ZP3: variants seen among roughly 807,000 people sequenced by gnomAD.
The protein encoded by ZP3 is zona pellucida glycoprotein 3.
A neutral mutation model predicts 35.6 loss-of-function variants in ZP3; 21 were observed. The ratio of observed to expected loss-of-function variants is 0.59; its 90% CI spans 0.42 to 0.85. The LOEUF is 0.85. Among genes scored for constraint, ZP3 ranks in the 40% least tolerant of loss-of-function variants. The pLI, the probability that ZP3 is intolerant of heterozygous loss-of-function variation, is 0.00. For missense variants in ZP3, 437 were observed against 536.5 expected, an observed-to-expected ratio of 0.81 and a Z score of 1.83; for synonymous variants, 207 against 214.5, an observed-to-expected ratio of 0.96 and a Z score of 0.31.
At chr7:76,438,609 G>C (rs1396021086) in intron 5 of ZP3, among the ~76,000 whole-genome samples, 1 of 147,436 alleles carries the variant, frequency 6.8e-6, no homozygotes, top group Non-Finnish European at 1.5e-5. Context: ...GGGTGGTGGG[G>C]GGTCTTTCAG....
chr7:76,436,109 T>TG (rs1427225124), intron 5 of ZP3, among the ~76,000 whole-genome samples: 6 of 124,678 alleles, frequency 4.8e-5, no homozygotes, highest in Admixed American at 1.0e-4. Flanking sequence ...TGGAGTACAG[T>TG]GGCCCAATCT....
At chr7:76,431,619 G>A (rs892972162) in intron 2 of ZP3, among the ~76,000 whole-genome samples, 7 of 152,192 alleles carry the variant, frequency 4.6e-5, no homozygotes, top group Admixed American at 3.3e-4. Context: ...GATGGCCTTG[G>A]CTGGGCATGG....
Position 76,440,524 on chromosome 7 carries a change from G to A in ZP3, c.973G>A (p.Gly325Ser), listed in dbSNP as rs146640456. The A allele has an allele frequency of 6.1e-5, 98 of 1,614,196 alleles. No homozygotes were observed. Among genetic ancestry groups the A allele is most frequent in the Middle Eastern group, 3.3e-4 (2 of 6,062 alleles). The change falls in exon 7 of 8, where the codon GGT becomes AGT. Residue 325 changes from glycine to serine, a missense_variant. Gly to Ser is a moderately conservative substitution (Grantham distance 56). This residue lies in a region of ZP3 where 41 missense variants were observed against 50.2 expected (regional missense o/e 0.82). Transcript: ENST00000394857. ...TGACATCTGTCAATGCTGTAACAAA[G>A]GTGACTGTGGCACTCCAAGCCATTC... ...SADICQCCNK[G>S]DCGTPSHSRR...
intron 5 of ZP3, among the ~76,000 whole-genome samples, chr7:76,439,039 CAGG>C (rs1806111781): frequency 7.7e-6 from 1 of 129,878 alleles, no homozygotes; most frequent in African/African-American, 2.8e-5. Context: ...GAGGCTGAGG[CAGG>C]AGAATTGCTT....
At chr7:76,415,742 G>T (rs1439391767) in intron 1 of ZP3, among the ~76,000 whole-genome samples, 1 of 151,048 alleles carries the variant, frequency 6.6e-6, no homozygotes, top group South Asian at 2.1e-4. Flanking sequence ...TGATCCACCC[G>T]CCTCGGCCTC....
Position 76,441,823 on chromosome 7 carries a change from G to A in ZP3, c.1061-19G>A, listed in dbSNP as rs2115956976. 2 of 1,613,676 alleles carry A rather than the reference G, an allele frequency of 1.2e-6. No homozygotes were observed. Among genetic ancestry groups the A allele is most frequent in the Non-Finnish European group, 1.7e-6 (2 of 1,179,624 alleles). On this transcript the variant is annotated intron_variant, in intron 7 of 7. Transcript: ENST00000394857. The stretch of plus-strand genomic sequence containing the variant: ...TTAGGGACTAAGATAACCCTTGGTT[G>A]TGTGTTCTCCTTTCACAGTGACAGA...
At chr7:76,438,538 G>GAAA (rs71085417) in intron 5 of ZP3, among the ~76,000 whole-genome samples, 3,955 of 88,174 alleles carry the variant, frequency 0.045, 9 homozygotes, top group Non-Finnish European at 0.052. Flanking sequence ...CTCCGTCTCA[G>GAAA]AAAAAAAAAA....
chr7:76,433,514 G>A lies in ZP3; in HGVS notation c.580G>A (p.Asp194Asn), dbSNP rs753936084. 1.2e-6 allele frequency: 2 copies of A among 1,614,072 alleles called. No homozygotes were observed. Among genetic ancestry groups the A allele is most frequent in the African/African-American group, 1.3e-5 (1 of 75,030 alleles). ...GAGGTCCCCCACCTTCCACCTGGGA[G>A]ATGCAGCCCACCTCCAGGCAGAAAT... ...EKRSPTFHLG[D>N]AAHLQAEIHT... Residue 194 changes from aspartate to asparagine, a missense_variant, in exon 4 of 8, where the codon GAT (aspartate) becomes AAT (asparagine). Physicochemically the swap from Asp to Asn is conservative, Grantham distance 23. Around this residue, in one of 6 missense-constraint regions of ZP3, gnomAD observed 352 missense variants for 308.4 expected, o/e 1.14. Transcript: ENST00000394857.
rs5885000 is a variant in ZP3, at chr7:76,410,354, CTT to C, written c.-67+12570_-67+12571del. ...CCTAATTTTGCCTTCTTGTGTAGTT[CTT>C]TTTTTTTTTTTTGAGATGGAGTTTC... On this transcript the variant is annotated intron_variant, in intron 1 of 8. Coordinates refer to the ZP3 transcript ENST00000336517. Among the ~76,000 whole-genome samples the C allele has an allele frequency of 8.0e-3, 1,140 of 142,354 alleles. 9 individuals are homozygous for C. Among genetic ancestry groups the C allele is most frequent in the African/African-American group, 0.022 (843 of 38,352 alleles). The allele number at this position is 142,354 out of a possible 152,430, so 93.4% of individuals were successfully genotyped here.
chr7:76,412,923 CTTTCT>C (rs764259080), intron 1 of ZP3, among the ~76,000 whole-genome samples: 101 of 149,308 alleles, frequency 6.8e-4, no homozygotes, highest in Middle Eastern at 7.1e-3. Flanking sequence ...CTATACATTC[CTTTCT>C]TTTCTTTTCT....
intron 1 of ZP3, among the ~76,000 whole-genome samples, chr7:76,410,887 C>T (rs1370520664): frequency 2.7e-5 from 4 of 150,230 alleles, no homozygotes; most frequent in Admixed American, 1.3e-4. Context: ...CCCAGCTACT[C>T]GAGAGGCTGA....
chr7:76,398,273 A>G (rs1804704045), intron 1 of ZP3, among the ~76,000 whole-genome samples: 1 of 149,948 alleles, frequency 6.7e-6, no homozygotes, highest in Admixed American at 6.6e-5. Context: ...CCTTCCTGTG[A>G]GATTAAGCTC....
chr7:76,421,186 A>T (rs1262594711), upstream of ZP3, among the ~76,000 whole-genome samples: 2 of 152,018 alleles, frequency 1.3e-5, no homozygotes, highest in African/African-American at 4.8e-5. Flanking sequence ...TGCTCGTCTC[A>T]GCCTCCCAAA....
chr7:76,400,837 G>A (rs1300086802), intron 1 of ZP3, among the ~76,000 whole-genome samples: 1 of 152,108 alleles, frequency 6.6e-6, no homozygotes, highest in African/African-American at 2.4e-5. Context: ...GAAGCCATGG[G>A]AACCTTGGGA....
chr7:76,408,886 C>T (rs1805133438), intron 1 of ZP3, among the ~76,000 whole-genome samples: 1 of 152,180 alleles, frequency 6.6e-6, no homozygotes, highest in Non-Finnish European at 1.5e-5. Flanking sequence ...CAGCCTAACA[C>T]AGCGGTTCAT....
intron 1 of ZP3, among the ~76,000 whole-genome samples, chr7:76,415,053 A>G (rs1805336744): frequency 6.6e-6 from 1 of 151,018 alleles, no homozygotes; most frequent in African/African-American, 2.4e-5. Context: ...TAGTAAGCAC[A>G]TTTTACAATT....
chr7:76,435,997 T>C (rs1265456964), intron 5 of ZP3, among the ~76,000 whole-genome samples: 2 of 149,712 alleles, frequency 1.3e-5, no homozygotes, highest in African/African-American at 4.9e-5. Context: ...GTGCTGGGAT[T>C]ATAGGCATGA....
At chr7:76,435,351 T>C (rs1805961407) in intron 5 of ZP3, among the ~76,000 whole-genome samples, 3 of 152,192 alleles carry the variant, frequency 2.0e-5, no homozygotes, top group African/African-American at 7.2e-5. Context: ...GACAAGGTTT[T>C]ACCATGTTGT....
exon 1 of ZP3, chr7:76,397,740 CG>C: frequency 6.2e-7 from 1 of 1,613,280 alleles, no homozygotes; most frequent in Non-Finnish European, 8.5e-7. Flanking sequence ...CCCCAGTCGT[CG>C]TCACACACGG....
Sources: allele counts gnomAD v4.1 joint callset (sites outside exome capture counted in the v4.1 genomes callset), GRCh38; gene constraint gnomAD v4.1.1; regional missense constraint gnomAD v4.1.1; transcripts MANE v1.5; gene names NCBI Gene and HGNC (gene_info 2026-07-23, HGNC 2026-07-21).